Variants in PCGF3 observed in about 807,000 individuals in gnomAD.
PCGF3 encodes the protein polycomb group RING finger protein 3.
A neutral mutation model predicts 33.1 loss-of-function variants in PCGF3; 7 were observed. The ratio of observed to expected loss-of-function variants is 0.21; its 90% CI spans 0.12 to 0.40. PCGF3 has a LOEUF of 0.40. PCGF3 is among the 10% of genes least tolerant of loss of function. PCGF3 has a pLI of 1.00. For missense variants in PCGF3, 211 were observed against 313.3 expected, an observed-to-expected ratio of 0.67 and a Z score of 2.46; for synonymous variants, 153 against 121.3, an observed-to-expected ratio of 1.26 and a Z score of -1.72.
chr4:708,852 A>C (rs956874199), intron 1 of PCGF3, among the ~76,000 whole-genome samples: 1 of 152,128 alleles, frequency 6.6e-6, no homozygotes, highest in Non-Finnish European at 1.5e-5. Context: ...CAAGTCAGGA[A>C]AGTTGGAGCA....
At chr4:754,450 G>C (rs894598172) in intron 8 of PCGF3, among the ~76,000 whole-genome samples, 1 of 152,228 alleles carries the variant, frequency 6.6e-6, no homozygotes, top group Non-Finnish European at 1.5e-5. Context: ...GGGTTGGCTG[G>C]TGGGGAGCGG....
At chr4:766,291 C>T (rs963065575) in exon 11 of PCGF3, 21 of 522,912 alleles carry the variant, frequency 4.0e-5, no homozygotes, top group South Asian at 1.2e-4. Flanking sequence ...CTCCCAGAGC[C>T]GATCGTCCTC....
chr4:769,201 A>C (rs1490613388), exon 11 of PCGF3: 1 of 152,710 alleles, frequency 6.5e-6, no homozygotes, highest in African/African-American at 2.4e-5. Context: ...AGACCACAAG[A>C]GCGGAGCTGC....
chr4:726,301 T>C (rs566338428), intron 1 of PCGF3, among the ~76,000 whole-genome samples: 2 of 152,224 alleles, frequency 1.3e-5, no homozygotes, highest in Admixed American at 1.3e-4. Flanking sequence ...GCAAACCCTG[T>C]GAGGGAGCAG....
At chr4:750,705 G>A (rs958200832) in intron 8 of PCGF3, among the ~76,000 whole-genome samples, 1 of 152,188 alleles carries the variant, frequency 6.6e-6, no homozygotes, top group Non-Finnish European at 1.5e-5. Context: ...AAGTCCGGTC[G>A]TTTTTCTTGT....
chr4:765,116 G>A (rs184379027), intron 10 of PCGF3, 52 bp downstream of exon 10: 27 of 1,243,896 alleles, frequency 2.2e-5, no homozygotes, highest in Non-Finnish European at 2.7e-5. Context: ...CAGTGACTTT[G>A]CTGTGCATCT....
chr4:763,146 A>G (rs978477285), intron 9 of PCGF3, among the ~76,000 whole-genome samples: 2 of 151,744 alleles, frequency 1.3e-5, no homozygotes, highest in African/African-American at 4.8e-5. Flanking sequence ...ACACGGGGGG[A>G]AGGGAGAGAA....
At chr4:740,123 C>T (rs995765356) in intron 6 of PCGF3, among the ~76,000 whole-genome samples, 3 of 152,250 alleles carry the variant, frequency 2.0e-5, no homozygotes, top group African/African-American at 7.2e-5. Context: ...TTTCTCCGAC[C>T]AGAGGCCTCT....
intron 8 of PCGF3, among the ~76,000 whole-genome samples, chr4:760,533 A>T (rs537789551): frequency 1.3e-5 from 2 of 152,086 alleles, no homozygotes; most frequent in Non-Finnish European, 2.9e-5. Context: ...TCCCTTTTGT[A>T]TCTTTTGTAA....
At chr4:748,703 G>A (rs1286938055) in intron 8 of PCGF3, among the ~76,000 whole-genome samples, 26 of 152,164 alleles carry the variant, frequency 1.7e-4, no homozygotes, top group Admixed American at 1.7e-3. Flanking sequence ...TGCCATGCCT[G>A]GTTTCCGATG....
intron 1 of PCGF3, among the ~76,000 whole-genome samples, chr4:707,225 G>T (rs1011341069): frequency 3.3e-5 from 5 of 151,974 alleles, no homozygotes; most frequent in Non-Finnish European, 5.9e-5. Flanking sequence ...GCCCGGGGGG[G>T]CTAGGACCCT....
intron 1 of PCGF3, among the ~76,000 whole-genome samples, chr4:719,914 C>G (rs968993845): frequency 6.6e-6 from 1 of 152,140 alleles, no homozygotes; most frequent in Non-Finnish European, 1.5e-5. Context: ...GAGGGACTCT[C>G]CGGACGATGG....
At chr4:738,277 A>G (rs1743921958) in intron 6 of PCGF3, among the ~76,000 whole-genome samples, 1 of 152,254 alleles carries the variant, frequency 6.6e-6, no homozygotes, top group Non-Finnish European at 1.5e-5. Flanking sequence ...TCTCGCCTTT[A>G]ATGCGTGACC....
chr4:749,207 C>T (rs1007571667), intron 8 of PCGF3, among the ~76,000 whole-genome samples: 2 of 152,154 alleles, frequency 1.3e-5, no homozygotes, highest in Non-Finnish European at 2.9e-5. Context: ...TCTTGTTGCC[C>T]AGGCTGGAGT....
chr4:750,081 A>G (rs751344759), intron 8 of PCGF3, among the ~76,000 whole-genome samples: 4 of 152,236 alleles, frequency 2.6e-5, no homozygotes, highest in Non-Finnish European at 5.9e-5. Flanking sequence ...CCAGGATTCC[A>G]GGCGTGAGCC....
Position 707,574 on chromosome 4 carries a change from T to C in PCGF3, c.-190+1604T>C, listed in dbSNP as rs28651475. Among the ~76,000 whole-genome samples the C allele has an allele frequency of 6.2e-3, 435 of 70,204 alleles. 20 individuals are homozygous for C. The highest frequency in any genetic ancestry group is 0.017 in the East Asian group (30 of 1,792). The allele number at this position is 70,204 out of a possible 152,430, so 46.1% of individuals were successfully genotyped here. ...CTGGGGGTCGGGACCCTGGGACAGC[T>C]CTGTTTTCCCCTGGGGGTCGGGACT... On this transcript the variant is annotated intron_variant, in intron 1 of 10. Transcript: ENST00000362003.
chr4:708,061 C>G lies in PCGF3; in HGVS notation c.-190+2091C>G, dbSNP rs867201675. On this transcript the variant is annotated intron_variant, in intron 1 of 10. Transcript: ENST00000362003. ...GACAGCCCTGTTTTCACCTGGGGGC[C>G]GGGACCCTGGGACAGCCCTGTTTTC... 2.0e-5 allele frequency among the ~76,000 whole-genome samples: 3 copies of G among 147,634 alleles called. 1 individual carries two copies. The highest frequency in any genetic ancestry group is 4.5e-5 in the Non-Finnish European group (3 of 67,260).
intron 8 of PCGF3, among the ~76,000 whole-genome samples, chr4:749,059 T>G (rs1293687265): frequency 6.6e-6 from 1 of 152,242 alleles, no homozygotes; most frequent in Non-Finnish European, 1.5e-5. Context: ...TATATCAGTG[T>G]TTACTTTTAC....
rs376069598 is a variant in PCGF3 at position 743,462 on chromosome 4, G to C, written c.263-12G>C. The C allele has an allele frequency of 1.3e-6, 2 of 1,543,544 alleles. No individual in the cohort carries two copies. The highest frequency in any genetic ancestry group is 2.7e-5 in the African/African-American group (2 of 73,622). On this transcript the variant is annotated splice_polypyrimidine_tract_variant and intron_variant, in intron 6 of 10. Transcript: ENST00000362003. ...CCTGTGAGATGAAAGACTGTGTGTTGATTTTCCGCAGCGGAAATGAGAAAG... is the reference window on the plus strand; with the variant it reads ...CCTGTGAGATGAAAGACTGTGTGTTCATTTTCCGCAGCGGAAATGAGAAAG...
Sources: allele counts gnomAD v4.1 joint callset (sites outside exome capture counted in the v4.1 genomes callset), GRCh38; gene constraint gnomAD v4.1.1; transcripts MANE v1.5; gene names NCBI Gene and HGNC (gene_info 2026-07-23, HGNC 2026-07-21).